KIAA1217: variants seen among roughly 807,000 people sequenced by gnomAD.
The protein encoded by KIAA1217 is sickle tail protein homolog.
In KIAA1217, 88 loss-of-function variants were observed where a neutral mutation model predicts 163.9. The observed-to-expected ratio is 0.54, with a 90% CI of 0.45 to 0.64. The LOEUF is 0.64. Ranked by LOEUF, KIAA1217 falls within the 30% of genes least tolerant of loss-of-function variation. KIAA1217 has a pLI of 0.00. For missense variants in KIAA1217, 2,372 were observed against 2,475.0 expected (o/e 0.96, Z 0.88); for synonymous variants, 903 against 923.1 (o/e 0.98, Z 0.39).
At chr10:24,019,816 A>G (rs1444649733) in intron 2 of KIAA1217, among the ~76,000 whole-genome samples, 1 of 152,062 alleles carries the variant, frequency 6.6e-6, no homozygotes, top group East Asian at 1.9e-4. Context: ...ATTATACCTC[A>G]ATCAAGATAA....
intron 1 of KIAA1217, among the ~76,000 whole-genome samples, chr10:23,952,552 C>A (rs905228785): frequency 6.6e-6 from 1 of 152,056 alleles, no homozygotes; most frequent in Non-Finnish European, 1.5e-5. Flanking sequence ...TTGACAAGAC[C>A]CTTCAGTACT....
intron 2 of KIAA1217, among the ~76,000 whole-genome samples, chr10:24,038,805 G>A (rs553007624): frequency 4.2e-5 from 6 of 142,186 alleles, no homozygotes; most frequent in Non-Finnish European, 9.0e-5. Flanking sequence ...AGGCTGGAGT[G>A]CAGTAGCACG....
At chr10:24,421,084 C>T (rs1380378295) in intron 3 of KIAA1217, among the ~76,000 whole-genome samples, 1 of 152,028 alleles carries the variant, frequency 6.6e-6, no homozygotes, top group Non-Finnish European at 1.5e-5. Flanking sequence ...GGCTCGTTGC[C>T]ACCTCATGCC....
In KIAA1217 at chr10:24,443,435, T is replaced by C. The variant is rs975079956; in HGVS notation, c.846+4956T>C. On this transcript the variant is annotated intron_variant, in intron 5 of 20. Transcript: ENST00000376454. Reference sequence around the variant, plus strand: ...AGTTCTTACTTCCCACATCTCATTCTCCTGTTCTCTTTTTCCAAGTGTCTC... The same window carrying C: ...AGTTCTTACTTCCCACATCTCATTCCCCTGTTCTCTTTTTCCAAGTGTCTC... Among the ~76,000 whole-genome samples the C allele has an allele frequency of 6.6e-5, 10 of 152,326 alleles. 2 individuals carry two copies. Among genetic ancestry groups the C allele is most frequent in the Admixed American group, 2.0e-4 (3 of 15,304 alleles).
At chr10:23,712,295 C>T (rs1837307770) in intron 1 of KIAA1217, among the ~76,000 whole-genome samples, 1 of 151,968 alleles carries the variant, frequency 6.6e-6, no homozygotes, top group African/African-American at 2.4e-5. Flanking sequence ...CCTGCATTCC[C>T]CTCACCAATA....
At chr10:24,449,867 G>A (rs2061252785) in intron 5 of KIAA1217, 2 of 455,590 alleles carry the variant, frequency 4.4e-6, no homozygotes, top group African/African-American at 4.3e-5. Flanking sequence ...CAAGTTCAAT[G>A]CAATAGGCGA....
At chr10:24,333,531 G>A (rs1275905822) in intron 2 of KIAA1217, among the ~76,000 whole-genome samples, 1 of 152,156 alleles carries the variant, frequency 6.6e-6, no homozygotes, top group African/African-American at 2.4e-5. Flanking sequence ...CCATCACTCA[G>A]GTAGTGAGCT....
chr10:24,440,074 G>C (rs1468762904), intron 5 of KIAA1217, among the ~76,000 whole-genome samples: 1 of 152,214 alleles, frequency 6.6e-6, no homozygotes, highest in Non-Finnish European at 1.5e-5. Flanking sequence ...TGTGGGATCA[G>C]AGCCTACACT....
intron 2 of KIAA1217, among the ~76,000 whole-genome samples, chr10:24,074,338 G>A (rs1337426061): frequency 1.3e-5 from 2 of 152,040 alleles, no homozygotes; most frequent in Admixed American, 1.3e-4. Context: ...AACAGAGTGA[G>A]TAAGACTCTG....
At chr10:24,005,791 A>G (rs1170222027) in intron 1 of KIAA1217, among the ~76,000 whole-genome samples, 7 of 152,154 alleles carry the variant, frequency 4.6e-5, no homozygotes, top group Non-Finnish European at 1.0e-4. Context: ...GTGAATGGAG[A>G]AAATGTTGTT....
rs76263133 is a variant in KIAA1217 at position 23,897,705 on chromosome 10, A to C, written c.-320-109520A>C. ...ACCTTCTCTTCAACCTTCATTGAAC[A>C]CTGAATGATATCAGTGGAACCATTT... On this transcript the variant is annotated intron_variant, in intron 1 of 18. Transcript: ENST00000376462. 6.1e-3 allele frequency among the ~76,000 whole-genome samples: 934 copies of C among 152,108 alleles called. 11 individuals carry two copies. The highest frequency in any genetic ancestry group is 0.021 in the African/African-American group (880 of 41,522).
Position 24,543,443 on chromosome 10 carries a change from T to C in KIAA1217, c.4173T>C (p.Thr1391=), listed in dbSNP as rs745862893. Residue 1391 remains threonine, a synonymous_variant, in exon 19 of 21, where the codon ACT becomes ACC. Transcript: ENST00000376454. ...TTGCCTTCATGATTACCGAAACCAC[T>C]GTCCAGGTTCTTTCCAGTGGGGAGG... ...DNIAFMITET[T]VQVLSSGEVH... 1 of 1,614,150 alleles carries C rather than the reference T, an allele frequency of 6.2e-7. No individual in the cohort carries two copies. Among genetic ancestry groups the C allele is most frequent in the South Asian group, 1.1e-5 (1 of 91,074 alleles).
At chr10:24,292,039 CT>C (rs1456915935) in intron 2 of KIAA1217, among the ~76,000 whole-genome samples, 1 of 152,194 alleles carries the variant, frequency 6.6e-6, no homozygotes, top group Non-Finnish European at 1.5e-5. Context: ...TACTTGAAAA[CT>C]TTGTCCAGCT....
upstream of KIAA1217, among the ~76,000 whole-genome samples, chr10:24,207,267 TTC>T (rs143092137): frequency 4.5e-4 from 54 of 121,312 alleles, no homozygotes; most frequent in South Asian, 1.1e-3. Context: ...GCTACAGTGT[TTC>T]TCTCTCTCTC....
chr10:24,170,806 A>G (rs1487238690), intron 2 of KIAA1217, among the ~76,000 whole-genome samples: 2 of 152,200 alleles, frequency 1.3e-5, no homozygotes, highest in Admixed American at 6.5e-5. Flanking sequence ...AGAAACCTAC[A>G]AAATAGTAGT....
chr10:24,163,259 C>G (rs61850368), intron 2 of KIAA1217, among the ~76,000 whole-genome samples: 3,422 of 152,288 alleles, frequency 0.022, 57 homozygotes, highest in Non-Finnish European at 0.035. Flanking sequence ...GATTTTGATT[C>G]AAGTTCAATT....
At chr10:23,832,515 C>T (rs1054623221) in intron 1 of KIAA1217, among the ~76,000 whole-genome samples, 2 of 152,130 alleles carry the variant, frequency 1.3e-5, no homozygotes, top group East Asian at 1.9e-4. Context: ...TCTCCTGAAG[C>T]GCAGGAGTAG....
chr10:24,215,740 C>T (rs1358124682), intron 1 of KIAA1217, among the ~76,000 whole-genome samples: 1 of 152,194 alleles, frequency 6.6e-6, no homozygotes, highest in Admixed American at 6.5e-5. Context: ...GGAAAAGGCT[C>T]AAGTGACAGA....
At chr10:23,790,183 A>G (rs556155398) in intron 1 of KIAA1217, among the ~76,000 whole-genome samples, 3 of 72,840 alleles carry the variant, frequency 4.1e-5, no homozygotes, top group African/African-American at 2.2e-4. Context: ...ATATGCATAT[A>G]CACATATACA....
Sources: gnomAD v4.1 joint callset for allele counts (sites outside exome capture counted in the v4.1 genomes callset) on GRCh38, gnomAD v4.1.1 for gene constraint, MANE v1.5 for transcripts, NCBI Gene and HGNC (gene_info 2026-07-23, HGNC 2026-07-21) for gene names.